The following MIPOL1 variants were observed in gnomAD, a reference collection of about 807,000 sequenced individuals.
MIPOL1 encodes mirror-image polydactyly 1, also known as mirror-image polydactyly gene 1 protein.
A neutral mutation model predicts 60.9 loss-of-function variants in MIPOL1; 57 were observed. The observed-to-expected ratio is 0.94, with a 90% confidence interval of 0.76 to 1.17. The LOEUF (loss-of-function observed/expected upper bound fraction) is 1.17. Ranked by LOEUF, MIPOL1 falls within the 50% of genes most tolerant of loss-of-function variation. The probability of loss-of-function intolerance (pLI) is 0.00; values close to 1 mark genes in which losing one functional copy is unlikely to be tolerated. For missense variants in MIPOL1, 551 were observed against 511.6 expected (o/e 1.08, Z -0.74); for synonymous variants, 179 against 168.8 (o/e 1.06, Z -0.47).
intron 1 of MIPOL1, among the ~76,000 whole-genome samples, chr14:37,244,466 T>C (rs1221353656): frequency 6.6e-6 from 1 of 152,070 alleles, no homozygotes; most frequent in African/African-American, 2.4e-5. Context: ...TAAAAATAGC[T>C]TGGAGGAATG....
intron 10 of MIPOL1, among the ~76,000 whole-genome samples, chr14:37,384,363 A>G (rs1032398039): frequency 9.8e-5 from 10 of 102,368 alleles, no homozygotes; most frequent in Admixed American, 7.8e-4. Context: ...AGAAAATGAT[A>G]AAATATCTGA....
At chr14:37,313,455 G>A (rs1302885342) in intron 9 of MIPOL1, among the ~76,000 whole-genome samples, 1 of 152,134 alleles carries the variant, frequency 6.6e-6, no homozygotes, top group Non-Finnish European at 1.5e-5. Context: ...TAGTTAGAAG[G>A]ATAATATTGT....
rs758657809 is a variant in MIPOL1 at position 37,267,116 on chromosome 14, C to A, written c.198C>A (p.Ile66=). Residue 66 remains isoleucine, a synonymous_variant, in exon 4 of 13, where the codon ATC becomes ATA. Coordinates refer to ENST00000684589, the MANE Select transcript of MIPOL1 (RefSeq NM_001388067.1). ...GGCAGAGATCAACGAATTTTCAGAT[C>A]ATCAGTTCTTATCCAGATGATGAGT... ...WPGQRSTNFQ[I]ISSYPDDESV... The A allele has an allele frequency of 1.2e-6, 2 of 1,613,834 alleles. No homozygotes were observed. The highest frequency in any genetic ancestry group is 1.7e-6 in the Non-Finnish European group (2 of 1,179,902).
chr14:37,517,452 A>T (rs2095378703), intron 12 of MIPOL1, among the ~76,000 whole-genome samples: 1 of 152,138 alleles, frequency 6.6e-6, no homozygotes, highest in African/African-American at 2.4e-5. Flanking sequence ...TACTGGTGAG[A>T]ACGTGAAATG....
intron 11 of MIPOL1, among the ~76,000 whole-genome samples, chr14:37,428,229 A>G (rs1045248867): frequency 2.0e-5 from 3 of 152,186 alleles, no homozygotes; most frequent in Admixed American, 2.0e-4. Flanking sequence ...ACAATGGAGG[A>G]TGTATGATCA....
chr14:37,321,906 C>T (rs1038944088), intron 9 of MIPOL1, among the ~76,000 whole-genome samples: 3 of 151,916 alleles, frequency 2.0e-5, no homozygotes, highest in African/African-American at 7.2e-5. Context: ...TTTCCAAGTT[C>T]AGACTTGACC....
chr14:37,373,540 C>T (rs184104739), intron 10 of MIPOL1, among the ~76,000 whole-genome samples: 206 of 151,962 alleles, frequency 1.4e-3, no homozygotes, highest in African/African-American at 4.9e-3. Context: ...TCCCCTAGCG[C>T]CCCAACCCCC....
intron 11 of MIPOL1, among the ~76,000 whole-genome samples, chr14:37,447,199 A>G (rs893506137): frequency 6.6e-6 from 1 of 152,114 alleles, no homozygotes; most frequent in Admixed American, 6.6e-5. Context: ...TAGTGATAAA[A>G]CAAGTGGATA....
intron 11 of MIPOL1, among the ~76,000 whole-genome samples, chr14:37,447,485 A>T (rs2094355449): frequency 6.6e-6 from 1 of 152,138 alleles, no homozygotes; most frequent in South Asian, 2.1e-4. Context: ...ACCAAATTAG[A>T]CTGGTTCTAG....
chr14:37,234,942 A>ATTTTTTTTTTTT (rs5807941), intron 1 of MIPOL1, among the ~76,000 whole-genome samples: 15 of 116,830 alleles, frequency 1.3e-4, no homozygotes, highest in South Asian at 3.0e-4. Flanking sequence ...CGTACGGCTA[A>ATTTTTTTTTTTT]TTTTTTTTTT....
intron 7 of MIPOL1, among the ~76,000 whole-genome samples, chr14:37,287,530 A>G (rs2084674460): frequency 1.3e-5 from 2 of 152,208 alleles, no homozygotes; most frequent in Admixed American, 6.5e-5. Context: ...CTGAGATTAC[A>G]GGCATGAGCC....
At chr14:37,463,704 A>AT (rs1346639340) in intron 11 of MIPOL1, among the ~76,000 whole-genome samples, 3 of 152,210 alleles carry the variant, frequency 2.0e-5, no homozygotes, top group Admixed American at 6.5e-5. Context: ...CTAAGCAAAG[A>AT]TTTTATAACT....
chr14:37,372,229 C>T (rs2092659718), intron 10 of MIPOL1, among the ~76,000 whole-genome samples: 1 of 151,930 alleles, frequency 6.6e-6, no homozygotes, highest in Admixed American at 6.6e-5. Context: ...GGAATACAAT[C>T]ACAATTAATG....
intron 10 of MIPOL1, among the ~76,000 whole-genome samples, chr14:37,377,746 C>CT (rs370238755): frequency 0.11 from 13,100 of 120,916 alleles, 2,236 homozygotes; most frequent in African/African-American, 0.36. Flanking sequence ...ATTTTTATGC[C>CT]TTTTTTTTTT....
intron 10 of MIPOL1, among the ~76,000 whole-genome samples, chr14:37,411,725 A>G (rs2093684434): frequency 6.6e-6 from 1 of 152,138 alleles, no homozygotes; most frequent in Non-Finnish European, 1.5e-5. Context: ...CCACAAGCCT[A>G]AAATATTTAT....
intron 12 of MIPOL1, chr14:37,523,404 T>C (rs530380679): frequency 2.0e-5 from 7 of 353,948 alleles, no homozygotes; most frequent in Admixed American, 1.4e-4. Flanking sequence ...ATTACAGATA[T>C]CCCAGGAAGT....
chr14:37,518,176 C>T (rs1199356342), intron 12 of MIPOL1, among the ~76,000 whole-genome samples: 7 of 151,808 alleles, frequency 4.6e-5, no homozygotes, highest in Non-Finnish European at 1.0e-4. Flanking sequence ...AGTTATTAGC[C>T]CTACTGGTAT....
chr14:37,489,136 C>T (rs1594675744), intron 11 of MIPOL1, among the ~76,000 whole-genome samples: 1 of 152,164 alleles, frequency 6.6e-6, no homozygotes, highest in Non-Finnish European at 1.5e-5. Context: ...TCCCATTTAT[C>T]TTGGAGGCTT....
chr14:37,474,091 G>C (rs1336513879), intron 11 of MIPOL1, among the ~76,000 whole-genome samples: 1 of 152,064 alleles, frequency 6.6e-6, no homozygotes, highest in African/African-American at 2.4e-5. Flanking sequence ...TATGTTCATG[G>C]CTCGATAGTT....
Sources: gnomAD v4.1 joint callset for allele counts (sites outside exome capture counted in the v4.1 genomes callset) on GRCh38, gnomAD v4.1.1 for gene constraint, MANE v1.5 for transcripts, NCBI Gene and HGNC (gene_info 2026-07-23, HGNC 2026-07-21) for gene names.